TUBB4A: variants seen among roughly 807,000 people sequenced by gnomAD.
TUBB4A encodes tubulin beta 4A class IVa, also known as tubulin beta-4A chain.
In TUBB4A, 13 loss-of-function variants were observed where a neutral mutation model predicts 35.1. That is an observed-to-expected ratio of 0.37 (90% CI 0.24 to 0.59). TUBB4A has a LOEUF of 0.59. TUBB4A is among the 20% of genes least tolerant of loss of function. The pLI, the probability that TUBB4A is intolerant of heterozygous loss-of-function variation, is 0.71. For synonymous variants in TUBB4A, 279 were observed against 272.4 expected (o/e 1.02, Z -0.24); for missense variants, 299 against 647.2 (o/e 0.46, Z 5.84).
At chr19:6,496,337 T>G in intron 3 of TUBB4A, 116 bp from the exon 4 acceptor site, 1 of 1,026,114 alleles carries the variant, frequency 9.7e-7, no homozygotes, top group South Asian at 1.6e-5. Context: ...CTATCAAAAA[T>G]AATAACAAAT....
intron 3 of TUBB4A, among the ~76,000 whole-genome samples, chr19:6,497,790 G>A (rs1248363476): frequency 1.1e-4 from 16 of 150,398 alleles, no homozygotes; most frequent in South Asian, 2.1e-4. Flanking sequence ...AAAATTAGCC[G>A]GGCGAGGTGG....
rs550664711 is a variant in TUBB4A, at chr19:6,501,100, C to T, written c.277+187G>A. The T allele has an allele frequency of 1.3e-4, 73 of 567,924 alleles. No homozygotes were observed. Among genetic ancestry groups the T allele is most frequent in the Admixed American group, 9.7e-5 (3 of 30,960 alleles). The allele number at this position is 567,924 out of a possible 1,614,324, so 35.2% of individuals were successfully genotyped here. ...GACTTCCCTGAATCCTTCTCTGTATCCGCCCTCCTCAGGGCTCTCACAGTG... is the reference window on the plus strand; with the variant it reads ...GACTTCCCTGAATCCTTCTCTGTATTCGCCCTCCTCAGGGCTCTCACAGTG... On this transcript the variant is annotated intron_variant, in intron 3 of 3. Transcript: ENST00000264071. The surrounding 1 kb of genome is among the most constrained non-coding windows in gnomAD (Gnocchi z 4.2).
rs749144730 is a variant in TUBB4A, at chr19:6,501,287, C to G, written c.277G>C (p.Gly93Arg). The G allele has an allele frequency of 6.2e-7, 1 of 1,613,380 alleles. No individual in the cohort carries two copies. The highest frequency in any genetic ancestry group is 1.7e-5 in the Admixed American group (1 of 59,922). Residue 93 changes from glycine (G) to arginine (R), a missense_variant and splice_region_variant, in exon 3 of 4, where the codon GGC (glycine) becomes CGC (arginine). Physicochemically the swap from Gly to Arg is moderately radical, Grantham distance 125. This residue lies in a region of TUBB4A where 123 missense variants were observed against 226.0 expected (regional missense o/e 0.54). Coordinates refer to ENST00000264071, the MANE Select transcript of TUBB4A (RefSeq NM_006087.4). The surrounding 1 kb of genome is among the most constrained non-coding windows in gnomAD (Gnocchi z 4.2). ...QIFRPDNFVF[G>R]QSGAGNNWAK... ...TCTGGCTCCCTGCTGGGGGACTCAC[C>G]AAACACGAAGTTGTCCGGCCGAAAG...
chr19:6,496,263 A>T, intron 3 of TUBB4A, 42 bp from the exon 4 acceptor site: 2 of 1,557,178 alleles, frequency 1.3e-6, no homozygotes, highest in Non-Finnish European at 1.7e-6. Context: ...AGTTATGGGG[A>T]GCCCCAACCC....
Position 6,495,965 on chromosome 19 carries a change from C to T in TUBB4A, c.534G>A (p.Thr178=), listed in dbSNP as rs752127268. The change falls in exon 4 of 4, where the codon ACG becomes ACA. Residue 178 remains threonine (T), a synonymous_variant. Transcript: ENST00000264071. This position sits in a 1 kb window ranked among gnomAD's most constrained non-coding sequence, Gnocchi z 8.7. ...GCGTGGCGTTGTAGGGCTCCACCAC[C>T]GTGTCTGACACTTTGGGCGAGGGCA... ...SVVPSPKVSD[T]VVEPYNATLS... 5.0e-6 allele frequency: 8 copies of T among 1,614,082 alleles called. No homozygotes were observed. In the South Asian group the frequency reaches 7.7e-5, roughly 16 times the overall value.
chr19:6,501,375 C>G lies in TUBB4A; in HGVS notation c.189G>C (p.Ala63=). The G allele has an allele frequency of 1.2e-6, 2 of 1,613,860 alleles. No homozygotes were observed. Among genetic ancestry groups the G allele is most frequent in the South Asian group, 1.1e-5 (1 of 91,072 alleles). ...TGCCGGGTTCCAGGTCCACCAGCACCGCTCTGGGGACATAATTTCCTCCTG... is the reference window on the plus strand; with the variant it reads ...TGCCGGGTTCCAGGTCCACCAGCACGGCTCTGGGGACATAATTTCCTCCTG... ...EATGGNYVPR[A]VLVDLEPGTM... Residue 63 remains alanine, a synonymous_variant, in exon 3 of 4, where the codon GCG becomes GCC. Coordinates refer to ENST00000264071, the MANE Select transcript of TUBB4A (RefSeq NM_006087.4). The surrounding 1 kb of genome is among the most constrained non-coding windows in gnomAD (Gnocchi z 4.2).
chr19:6,497,024 A>AAAATATATATAT (rs1568410509), intron 3 of TUBB4A, among the ~76,000 whole-genome samples: 1 of 22,004 alleles, frequency 4.5e-5, no homozygotes, highest in Non-Finnish European at 7.4e-5. Context: ...AAAAAAAAAA[A>AAAATATATATAT]ATATATATAT....
rs1914532808 is a variant in TUBB4A, at chr19:6,501,516, T to C, written c.165A>G (p.Thr55=). ...TGGAAGGTGCCTCCTTCGCCCTACC[T>C]GTGGCCTCGTTGTAGTACACGTTGA... ...ERINVYYNEA[T]GGNYVPRAVL... is the part of the protein sequence containing the mutation. Residue 55 remains threonine (T), a splice_region_variant and synonymous_variant, in exon 2 of 4, where the codon ACA becomes ACG. Transcript: ENST00000264071. The surrounding 1 kb of genome is among the most constrained non-coding windows in gnomAD (Gnocchi z 4.2). 1 of 1,613,562 alleles carries C rather than the reference T, an allele frequency of 6.2e-7. No homozygotes were observed. Among genetic ancestry groups the C allele is most frequent in the African/African-American group, 1.3e-5 (1 of 74,950 alleles).
At chr19:6,497,419 A>G (rs1914301332) in intron 3 of TUBB4A, among the ~76,000 whole-genome samples, 1 of 150,584 alleles carries the variant, frequency 6.6e-6, no homozygotes, top group Non-Finnish European at 1.5e-5. Flanking sequence ...ATGCTACCAG[A>G]TCTGGCTAAT....
chr19:6,496,939 C>T (rs1914232067), intron 3 of TUBB4A, among the ~76,000 whole-genome samples: 1 of 124,108 alleles, frequency 8.1e-6, no homozygotes, highest in East Asian at 2.7e-4. Context: ...GGGAGGATTG[C>T]TTGAGCCCAG....
In TUBB4A at chr19:6,501,698, A is replaced by G. The variant is rs1914541371; in HGVS notation, c.58-75T>C. 2 of 1,258,456 alleles carry G rather than the reference A, an allele frequency of 1.6e-6. No individual in the cohort carries two copies. The highest frequency in any genetic ancestry group is 4.7e-5 in the East Asian group (2 of 42,830). The allele number at this position is 1,258,456 out of a possible 1,614,324, so 78.0% of individuals were successfully genotyped here. A position where few individuals can be genotyped will look rare whatever the true frequency, so the allele number is the denominator to read the frequency against. ...AAGCCGAGGACTGCCCCCAGCCCCC[A>G]ACTAGCTCCCTAGCTGCCACCTCTC... On this transcript the variant is annotated intron_variant, in intron 1 of 3. Coordinates refer to ENST00000264071, the MANE Select transcript of TUBB4A (RefSeq NM_006087.4). The surrounding 1 kb of genome is among the most constrained non-coding windows in gnomAD (Gnocchi z 4.2).
chr19:6,494,642 AGGGTG>A lies in TUBB4A; in HGVS notation c.*517_*521del. The A allele has an allele frequency of 1.2e-5, 2 of 169,412 alleles. No homozygotes were observed. The highest frequency in any genetic ancestry group is 1.3e-4 in the South Asian group (1 of 7,490). The allele number at this position is 169,412 out of a possible 1,614,324, so 10.5% of individuals were successfully genotyped here. On this transcript the variant is annotated 3_prime_UTR_variant, in exon 4 of 4. Coordinates refer to ENST00000264071, the MANE Select transcript of TUBB4A (RefSeq NM_006087.4). The stretch of plus-strand genomic sequence containing the variant: ...TGTAGAAGTAAAATGGGACTCATAG[AGGGTG>A]AAAGAGAAGTTGGAGTCAGAGGGGA...
intron 3 of TUBB4A, among the ~76,000 whole-genome samples, chr19:6,498,527 C>G (rs551057234): frequency 6.6e-6 from 1 of 152,216 alleles, no homozygotes; most frequent in Non-Finnish European, 1.5e-5. Context: ...AAGGCCCTGC[C>G]GGACCTGCCC....
Position 6,495,942 on chromosome 19 carries a change from G to C in TUBB4A, c.557C>G (p.Thr186Arg). The C allele has an allele frequency of 6.2e-7, 1 of 1,614,208 alleles. No homozygotes were observed. The highest frequency in any genetic ancestry group is 8.5e-7 in the Non-Finnish European group (1 of 1,180,044). The change falls in exon 4 of 4, where the codon ACG becomes AGG. Residue 186 changes from threonine (T) to arginine (R), a missense_variant. By Grantham distance (71) the Thr-to-Arg change is moderately conservative (BLOSUM62 -1). Around this residue, in one of 5 missense-constraint regions of TUBB4A, gnomAD observed 51 missense variants for 100.3 expected, o/e 0.51. Coordinates refer to ENST00000264071, the MANE Select transcript of TUBB4A (RefSeq NM_006087.4). The surrounding 1 kb of genome is among the most constrained non-coding windows in gnomAD (Gnocchi z 8.7). ...SDTVVEPYNA[T>R]LSVHQLVENT... Reference sequence around the variant, plus strand: ...CTCCACCAGCTGGTGCACAGACAGCGTGGCGTTGTAGGGCTCCACCACCGT... The same window carrying C: ...CTCCACCAGCTGGTGCACAGACAGCCTGGCGTTGTAGGGCTCCACCACCGT...
At chr19:6,502,415 G>C (rs575999449), upstream of TUBB4A, 178 of 574,906 alleles carry the variant, frequency 3.1e-4, no homozygotes, top group Admixed American at 6.3e-4. Flanking sequence ...GATGGAGGGG[G>C]CTGGGGTGGG....
chr19:6,497,127 A>G (rs1914286307), intron 3 of TUBB4A, among the ~76,000 whole-genome samples: 1 of 126,758 alleles, frequency 7.9e-6, no homozygotes, highest in Non-Finnish European at 1.6e-5. Flanking sequence ...CTCAGGTGGG[A>G]GATTGCTTGA....
Position 6,495,398 on chromosome 19 carries a change from G to A in TUBB4A, c.1101C>T (p.Phe367=), listed in dbSNP as rs1422815990. The change falls in exon 4 of 4, where the codon TTC becomes TTT. Residue 367 remains phenylalanine (F), a synonymous_variant. Transcript: ENST00000264071. This position sits in a 1 kb window ranked among gnomAD's most constrained non-coding sequence, Gnocchi z 8.7. ...PPRGLKMAAT[F]IGNSTAIQEL... Reference sequence around the variant, plus strand: ...CCTGGATGGCCGTGCTGTTGCCGATGAAGGTCGCGGCCATCTTCAGGCCGC... The same window carrying A: ...CCTGGATGGCCGTGCTGTTGCCGATAAAGGTCGCGGCCATCTTCAGGCCGC... The A allele has an allele frequency of 1.7e-5, 28 of 1,614,004 alleles. No homozygotes were observed. The highest frequency in any genetic ancestry group is 2.3e-5 in the Non-Finnish European group (27 of 1,180,010).
chr19:6,494,989 G>T lies in TUBB4A; in HGVS notation c.*175C>A, dbSNP rs1206951673. ...TAAAGATAAATTAGGGCTCAAAGGG[G>T]AGCCAGGGTCGGAGATGAAGTAGCC... On this transcript the variant is annotated 3_prime_UTR_variant, in exon 4 of 4. Coordinates refer to ENST00000264071, the MANE Select transcript of TUBB4A (RefSeq NM_006087.4). 1 of 742,476 alleles carries T rather than the reference G, an allele frequency of 1.3e-6. No individual in the cohort carries two copies. The highest frequency in any genetic ancestry group is 2.2e-6 in the Non-Finnish European group (1 of 461,034). 46.0% of individuals were successfully genotyped at this position (742,476 alleles called of 1,614,324 possible).
Position 6,495,786 on chromosome 19 carries a change from G to T in TUBB4A, c.713C>A (p.Thr238Asn). The T allele has an allele frequency of 6.2e-7, 1 of 1,614,230 alleles. No homozygotes were observed. Among genetic ancestry groups the T allele is most frequent in the Non-Finnish European group, 8.5e-7 (1 of 1,180,040 alleles). ...LVSATMSGVTTCLRFPGQLNA... is the reference protein window; with the variant it reads ...LVSATMSGVTNCLRFPGQLNA... ...CAGCTGGCCCGGGAAGCGCAGGCAG[G>T]TGGTGACCCCGCTCATGGTGGCCGA... Residue 238 changes from threonine (T) to asparagine (N), a missense_variant, in exon 4 of 4, where the codon ACC (threonine) becomes AAC (asparagine). By Grantham distance (65) the Thr-to-Asn change is moderately conservative (BLOSUM62 0). Coordinates refer to ENST00000264071, the MANE Select transcript of TUBB4A (RefSeq NM_006087.4). The surrounding 1 kb of genome is among the most constrained non-coding windows in gnomAD (Gnocchi z 8.7).
Sources: allele counts gnomAD v4.1 joint callset (sites outside exome capture counted in the v4.1 genomes callset), GRCh38; gene constraint gnomAD v4.1.1; regional missense constraint gnomAD v4.1.1; non-coding constraint Gnocchi (gnomAD v3.1); transcripts MANE v1.5; gene names NCBI Gene and HGNC (gene_info 2026-07-23, HGNC 2026-07-21).